The following SNX6 variants were observed in gnomAD, a reference collection of about 807,000 sequenced individuals.
The protein encoded by SNX6 is sorting nexin 6.
In SNX6, 34 loss-of-function variants were observed where a neutral mutation model predicts 63.0. The ratio of observed to expected loss-of-function variants is 0.54; its 90% CI spans 0.41 to 0.72. The LOEUF is 0.72. SNX6 is among the 30% of genes least tolerant of loss of function. SNX6 has a pLI of 0.00. For synonymous variants in SNX6, 170 were observed against 164.2 expected (o/e 1.04, Z -0.27); for missense variants, 398 against 471.4 (o/e 0.84, Z 1.44).
chr14:34,572,671 G>GT (rs201295582), intron 11 of SNX6, among the ~76,000 whole-genome samples: 3,628 of 151,012 alleles, frequency 0.024, 57 homozygotes, highest in Middle Eastern at 0.058. Flanking sequence ...AGTTATTTGT[G>GT]TTTTTTTTGT....
At chr14:34,577,309 G>A (rs1466218344) in intron 10 of SNX6, among the ~76,000 whole-genome samples, 2 of 151,642 alleles carry the variant, frequency 1.3e-5, no homozygotes, top group Non-Finnish European at 2.9e-5. Flanking sequence ...GGCTGGTCTC[G>A]AACTCCTGAC....
intron 2 of SNX6, among the ~76,000 whole-genome samples, chr14:34,628,521 T>C (rs963881748): frequency 6.6e-6 from 1 of 151,870 alleles, no homozygotes; most frequent in Admixed American, 6.6e-5. Flanking sequence ...CCCAGCTACT[T>C]GGGAGGCTGA....
At chr14:34,574,619 CAAAAAAAAAA>C (rs33959613) in intron 11 of SNX6, among the ~76,000 whole-genome samples, 3 of 79,438 alleles carry the variant, frequency 3.8e-5, no homozygotes, top group East Asian at 3.8e-4. Flanking sequence ...GACTCCATCT[CAAAAAAAAAA>C]AAAAAAAAAA....
intron 2 of SNX6, among the ~76,000 whole-genome samples, chr14:34,629,077 G>A (rs1594757121): frequency 6.6e-6 from 1 of 151,754 alleles, no homozygotes; most frequent in Admixed American, 6.6e-5. Flanking sequence ...TGAGTGGGTG[G>A]AGCGTCGATG....
At chr14:34,572,192 CTTG>C (rs1261380932) in intron 11 of SNX6, among the ~76,000 whole-genome samples, 1 of 152,078 alleles carries the variant, frequency 6.6e-6, no homozygotes, top group Non-Finnish European at 1.5e-5. Flanking sequence ...ACAGTGATAC[CTTG>C]TTGTAGTTTT....
intron 2 of SNX6, among the ~76,000 whole-genome samples, chr14:34,628,130 C>T (rs1046967782): frequency 3.9e-5 from 6 of 152,026 alleles, no homozygotes; most frequent in African/African-American, 1.4e-4. Context: ...AGGAGTTTGA[C>T]ACTGGCCTGG....
intron 2 of SNX6, among the ~76,000 whole-genome samples, chr14:34,612,562 T>C (rs532689728): frequency 6.6e-6 from 1 of 152,050 alleles, no homozygotes; most frequent in East Asian, 2.0e-4. Context: ...ACCTCCCGAG[T>C]AGCTAGGACT....
At chr14:34,591,486 G>T (rs1325938251) in intron 8 of SNX6, among the ~76,000 whole-genome samples, 1 of 152,062 alleles carries the variant, frequency 6.6e-6, no homozygotes, top group African/African-American at 2.4e-5. Context: ...CAGCTACTTG[G>T]GAGGCTGAGG....
chr14:34,562,968 G>A lies in SNX6; in HGVS notation c.*154C>T, dbSNP rs45581533. ...ACAGACTGGCATCGCCTGGGCGTGC[G>A]CTGCTCCATGTTTCTCAGAAAAAGA... On this transcript the variant is annotated 3_prime_UTR_variant, in exon 14 of 14. Transcript: ENST00000362031. The A allele has an allele frequency of 2.1e-3, 1,521 of 716,008 alleles. 38 individuals are homozygous for A. In the South Asian group the frequency reaches 0.027, roughly 13 times the overall value. The allele number at this position is 716,008 out of a possible 1,614,324, so 44.4% of individuals were successfully genotyped here.
At chr14:34,593,869 C>A (rs563540715) in intron 7 of SNX6, among the ~76,000 whole-genome samples, 3 of 151,994 alleles carry the variant, frequency 2.0e-5, no homozygotes, top group Non-Finnish European at 2.9e-5. Context: ...TGACCCACCA[C>A]GCCCAGCCTA....
chr14:34,578,031 C>CATCTCTACTAAAGTA (rs2138284126), intron 10 of SNX6, among the ~76,000 whole-genome samples: 1 of 151,660 alleles, frequency 6.6e-6, no homozygotes, highest in East Asian at 2.0e-4. Context: ...TGGTGAAACC[C>CATCTCTACTAAAGTA]CACCCCCCCG....
intron 3 of SNX6, 43 bp downstream of exon 3, chr14:34,609,595 T>C (rs753992105): frequency 5.3e-6 from 7 of 1,312,684 alleles, no homozygotes; most frequent in South Asian, 3.7e-5. Flanking sequence ...ATATGTAGTA[T>C]AATAAATGGC....
chr14:34,610,251 A>C (rs1883174799), intron 2 of SNX6, among the ~76,000 whole-genome samples: 1 of 151,034 alleles, frequency 6.6e-6, no homozygotes, highest in Non-Finnish European at 1.5e-5. Context: ...CTCAGTACAC[A>C]GGAGGCTGAG....
At chr14:34,612,234 C>A (rs1228013314) in intron 2 of SNX6, among the ~76,000 whole-genome samples, 2 of 152,160 alleles carry the variant, frequency 1.3e-5, no homozygotes, top group East Asian at 3.9e-4. Context: ...AGCCACTGAG[C>A]CAGGCCAGGC....
chr14:34,625,498 C>A (rs1385224163), intron 2 of SNX6, among the ~76,000 whole-genome samples: 4 of 151,954 alleles, frequency 2.6e-5, no homozygotes, highest in Non-Finnish European at 4.4e-5. Context: ...TTTGGGAGGC[C>A]GAGGCGGGCA....
intron 13 of SNX6, 109 bp from the exon 14 acceptor site, chr14:34,563,284 C>T (rs1263345007): frequency 2.8e-6 from 3 of 1,062,340 alleles, no homozygotes; most frequent in East Asian, 2.7e-5. Flanking sequence ...AGAAGCCGGG[C>T]GCGGTGGCTC....
chr14:34,596,315 C>A (rs1024615393), intron 7 of SNX6, among the ~76,000 whole-genome samples: 2 of 150,968 alleles, frequency 1.3e-5, no homozygotes, highest in African/African-American at 4.9e-5. Flanking sequence ...GTATTATTAA[C>A]CCTATTTTGA....
intron 13 of SNX6, among the ~76,000 whole-genome samples, chr14:34,564,742 G>A (rs1334725460): frequency 6.6e-6 from 1 of 151,492 alleles, no homozygotes; most frequent in African/African-American, 2.4e-5. Context: ...CAGGAGAATT[G>A]CTTGAACCCG....
At position 34,622,569 on chromosome 14, in the gene SNX6, C is replaced by CAA. The variant is rs35554563; in HGVS notation, c.54+7336_54+7337dup. ...CTGCACTCCAGCCTGGGCAATAGAG[C>CAA]AAAAAAAAAAAAAAAAAAAAGATTC... On this transcript the variant is annotated intron_variant, in intron 2 of 13. Coordinates refer to ENST00000362031, the MANE Select transcript of SNX6 (RefSeq NM_152233.4). Among the ~76,000 whole-genome samples, 263 of 99,642 alleles carry CAA rather than the reference C, an allele frequency of 2.6e-3. 2 individuals are homozygous for CAA. The highest frequency in any genetic ancestry group is 9.3e-3 in the African/African-American group (244 of 26,248). 65.4% of individuals were successfully genotyped at this position (99,642 alleles called of 152,430 possible).
Sources: gnomAD v4.1 joint callset for allele counts (sites outside exome capture counted in the v4.1 genomes callset) on GRCh38, gnomAD v4.1.1 for gene constraint, MANE v1.5 for transcripts, NCBI Gene and HGNC (gene_info 2026-07-23, HGNC 2026-07-21) for gene names.